SND1: variants seen among roughly 807,000 people sequenced by gnomAD.
The protein encoded by SND1 is staphylococcal nuclease domain-containing protein 1.
In SND1, 38 loss-of-function variants were observed where a neutral mutation model predicts 121.7. The ratio of observed to expected loss-of-function variants is 0.31; its 90% confidence interval spans 0.24 to 0.41. SND1 has a LOEUF of 0.41. Ranked by LOEUF, SND1 falls within the 10% of genes least tolerant of loss-of-function variation. SND1 has a pLI of 1.00. For synonymous variants in SND1, 401 were observed against 447.4 expected (o/e 0.90, Z 1.31); for missense variants, 868 against 1,184.6 (o/e 0.73, Z 3.92).
chr7:128,016,311 G>C (rs1803223933), intron 16 of SND1, among the ~76,000 whole-genome samples: 1 of 151,664 alleles, frequency 6.6e-6, no homozygotes, highest in Admixed American at 6.6e-5. Flanking sequence ...AGGAATATTA[G>C]GATTGAGATA....
At chr7:128,081,588 G>C in intron 18 of SND1, 87 bp downstream of exon 18, 1 of 1,503,060 alleles carries the variant, frequency 6.7e-7, no homozygotes, top group South Asian at 1.2e-5. Context: ...CAGTGGGTGG[G>C]AGGAACAATG....
chr7:128,034,946 G>A (rs73721285), intron 16 of SND1, among the ~76,000 whole-genome samples: 2,126 of 152,284 alleles, frequency 0.014, 60 homozygotes, highest in African/African-American at 0.049. Flanking sequence ...TTGGAATGGT[G>A]CCACCAAAGA....
At chr7:127,785,565 G>T (rs1351226899) in intron 10 of SND1, among the ~76,000 whole-genome samples, 1 of 152,126 alleles carries the variant, frequency 6.6e-6, no homozygotes, top group Non-Finnish European at 1.5e-5. Context: ...ATATCTTTCT[G>T]GGTGACTGTA....
intron 12 of SND1, chr7:127,858,532 G>T: frequency 2.2e-6 from 1 of 454,170 alleles, no homozygotes; most frequent in Non-Finnish European, 4.1e-6. Flanking sequence ...ATGCAGTGCA[G>T]ATCTAAAGCA....
chr7:128,029,265 A>G lies in SND1; in HGVS notation c.1779+38209A>G. 1 of 1,614,112 alleles carries G rather than the reference A, an allele frequency of 6.2e-7. No homozygotes were observed. The highest frequency in any genetic ancestry group is 8.5e-7 in the Non-Finnish European group (1 of 1,180,042). ...CTCAGGCGAGATCTCCGTGGTCTCC[A>G]CTGTTACTGTGGTGAAGAAGCTGTA... is the stretch of plus-strand genomic sequence containing the variant. On this transcript the variant is annotated intron_variant, in intron 16 of 23. Transcript: ENST00000354725. This position sits in a 1 kb window ranked among gnomAD's most constrained non-coding sequence, Gnocchi z 4.2.
chr7:127,866,045 T>G (rs1799468464), intron 12 of SND1, among the ~76,000 whole-genome samples: 1 of 152,124 alleles, frequency 6.6e-6, no homozygotes, highest in Non-Finnish European at 1.5e-5. Flanking sequence ...TGCCCAAGAA[T>G]CACCTGTGTA....
chr7:127,824,970 T>A (rs1158263751), intron 11 of SND1, among the ~76,000 whole-genome samples: 1 of 152,176 alleles, frequency 6.6e-6, no homozygotes, highest in African/African-American at 2.4e-5. Context: ...AGTAGAAACA[T>A]GTGGACACCG....
intron 11 of SND1, among the ~76,000 whole-genome samples, chr7:127,830,278 G>A (rs1201477982): frequency 3.3e-5 from 5 of 152,060 alleles, no homozygotes. Context: ...AGCTACTCAG[G>A]GGGCTGAGAC....
intron 16 of SND1, among the ~76,000 whole-genome samples, chr7:128,057,316 G>A (rs1793159146): frequency 6.6e-6 from 1 of 152,210 alleles, no homozygotes; most frequent in African/African-American, 2.4e-5. Context: ...GGAGAGGAAG[G>A]ACATGAATTC....
intron 18 of SND1, among the ~76,000 whole-genome samples, chr7:128,084,147 G>C (rs11761762): frequency 7.9e-5 from 12 of 152,198 alleles, no homozygotes; most frequent in Admixed American, 7.2e-4. Context: ...TGAGGCTCTA[G>C]GCCCTGATCC....
chr7:127,698,284 C>G (rs765074953), intron 3 of SND1, among the ~76,000 whole-genome samples: 1 of 152,148 alleles, frequency 6.6e-6, no homozygotes, highest in Non-Finnish European at 1.5e-5. Flanking sequence ...TCTGGCATAA[C>G]GTGTGATAGC....
At chr7:128,033,017 C>T (rs970100921) in intron 16 of SND1, among the ~76,000 whole-genome samples, 2 of 152,210 alleles carry the variant, frequency 1.3e-5, no homozygotes, top group Non-Finnish European at 2.9e-5. Context: ...CGCGGCTTCT[C>T]AGTCTTCGCT....
chr7:127,940,964 A>G (rs894322471), intron 15 of SND1, among the ~76,000 whole-genome samples: 4 of 152,192 alleles, frequency 2.6e-5, no homozygotes, highest in Admixed American at 6.5e-5. Context: ...TTCCCCATGT[A>G]TGGGGGGCTC....
intron 22 of SND1, 149 bp downstream of exon 22, chr7:128,089,841 T>C: frequency 1.4e-6 from 1 of 732,874 alleles, no homozygotes; most frequent in Non-Finnish European, 2.2e-6. Context: ...TTGGTGTTTT[T>C]TTGTTTTTGT....
At chr7:127,838,167 T>C (rs2116636296) in intron 11 of SND1, among the ~76,000 whole-genome samples, 1 of 152,226 alleles carries the variant, frequency 6.6e-6, no homozygotes, top group East Asian at 1.9e-4. Flanking sequence ...CAGGGGTGAC[T>C]CAAAGGACGG....
At chr7:127,783,607 G>C (rs1797761465) in intron 10 of SND1, among the ~76,000 whole-genome samples, 1 of 152,140 alleles carries the variant, frequency 6.6e-6, no homozygotes, top group Non-Finnish European at 1.5e-5. Flanking sequence ...GTGGTTATAG[G>C]TCAGACATAC....
At position 128,052,744 on chromosome 7, in the gene SND1, G is replaced by C. The variant is rs1359311541; in HGVS notation, c.1780-21758G>C. Among the ~76,000 whole-genome samples the C allele has an allele frequency of 6.6e-6, 1 of 152,242 alleles. No homozygotes were observed. The highest frequency in any genetic ancestry group is 6.5e-5 in the Admixed American group (1 of 15,292). ...TGGCCCGATGGGCTGTGTCTGGAAT[G>C]CCAGTCTTGTGTCCCACCCTACTTT... On this transcript the variant is annotated intron_variant, in intron 16 of 23. Transcript: ENST00000354725. This position sits in a 1 kb window ranked among gnomAD's most constrained non-coding sequence, Gnocchi z 4.6.
At chr7:128,047,437 T>C (rs1792969136) in intron 16 of SND1, among the ~76,000 whole-genome samples, 1 of 152,254 alleles carries the variant, frequency 6.6e-6, no homozygotes, top group African/African-American at 2.4e-5. Flanking sequence ...ATTTCACTAA[T>C]ATTTTTCTTC....
At chr7:127,999,082 A>AT in intron 16 of SND1, 1 of 152,228 alleles carries the variant, frequency 6.6e-6, no homozygotes, top group Non-Finnish European at 1.5e-5. Context: ...TAATTATGTC[A>AT]TATGGGCTGA....
Sources: allele counts gnomAD v4.1 joint callset (sites outside exome capture counted in the v4.1 genomes callset), GRCh38; gene constraint gnomAD v4.1.1; non-coding constraint Gnocchi (gnomAD v3.1); transcripts MANE v1.5; gene names NCBI Gene and HGNC (gene_info 2026-07-23, HGNC 2026-07-21).